Variants in SRGAP2C observed in about 807,000 individuals in gnomAD.
SRGAP2C encodes the protein SLIT-ROBO Rho GTPase-activating protein 2C.
A neutral mutation model predicts 25.1 loss-of-function variants in SRGAP2C; 15 were observed. That is an observed-to-expected ratio of 0.60 (90% CI 0.40 to 0.92). The LOEUF (loss-of-function observed/expected upper bound fraction) is 0.92. Among genes scored for constraint, SRGAP2C ranks in the 40% least tolerant of loss-of-function variants. The pLI is 0.00. For missense variants in SRGAP2C, 144 were observed against 264.4 expected (o/e 0.54, Z 3.16); for synonymous variants, 44 against 96.6 (o/e 0.46, Z 3.19).
At chr1:121,249,536 T>C (rs1656295818) in intron 2 of SRGAP2C, among the ~76,000 whole-genome samples, 1 of 52,228 alleles carries the variant, frequency 1.9e-5, no homozygotes, top group Non-Finnish European at 3.4e-5. Context: ...GGGCTTATGA[T>C]GAACATGGAC....
At position 121,282,751 on chromosome 1, in the gene SRGAP2C, G is replaced by T. The variant is rs1400107051; in HGVS notation, c.68-2052G>T. ...TTTTTTGTATTTTTAGTAGAGACAG[G>T]GTTTCACCATGTTAGCCAGGATGGT... On this transcript the variant is annotated intron_variant, in intron 2 of 9. Coordinates refer to ENST00000367123, the MANE Select transcript of SRGAP2C (RefSeq NM_001329984.2). Among the ~76,000 whole-genome samples, 228 of 144,858 alleles carry T rather than the reference G, an allele frequency of 1.6e-3. 2 individuals are homozygous for T. Among genetic ancestry groups the T allele is most frequent in the African/African-American group, 5.5e-3 (217 of 39,424 alleles).
chr1:121,208,684 A>G (rs1553322955), intron 2 of SRGAP2C, among the ~76,000 whole-genome samples: 1 of 151,218 alleles, frequency 6.6e-6, no homozygotes, highest in African/African-American at 2.4e-5. Context: ...CTGCTAAGCT[A>G]TGAGCTCTTT....
intron 2 of SRGAP2C, among the ~76,000 whole-genome samples, chr1:121,238,843 G>T (rs1302555940): frequency 1.4e-5 from 2 of 139,986 alleles, no homozygotes; most frequent in African/African-American, 5.5e-5. Context: ...GTGCAGTAGC[G>T]TGATCATGGC....
chr1:121,191,733 G>T (rs1309025372), intron 2 of SRGAP2C, among the ~76,000 whole-genome samples: 8 of 151,508 alleles, frequency 5.3e-5, no homozygotes, highest in African/African-American at 1.9e-4. Flanking sequence ...CTTATTTAAG[G>T]CCCCTTTCCT....
At chr1:121,292,218 T>C (rs1301247495) in intron 3 of SRGAP2C, among the ~76,000 whole-genome samples, 2 of 151,072 alleles carry the variant, frequency 1.3e-5, no homozygotes, top group Non-Finnish European at 3.0e-5. Flanking sequence ...CTTATCTTAG[T>C]AGTACAGTGA....
intron 2 of SRGAP2C, among the ~76,000 whole-genome samples, chr1:121,216,018 T>A (rs1655373092): frequency 6.6e-6 from 1 of 151,994 alleles, no homozygotes; most frequent in African/African-American, 2.4e-5. Flanking sequence ...CTTACTGCCA[T>A]CTTCTTTCCC....
chr1:121,298,442 G>A (rs1347708368), intron 3 of SRGAP2C, among the ~76,000 whole-genome samples: 10 of 107,104 alleles, frequency 9.3e-5, no homozygotes, highest in Admixed American at 2.2e-4. Flanking sequence ...ATCTACCATC[G>A]AGGCCAGCAG....
At chr1:121,278,138 G>T (rs1657154094) in intron 2 of SRGAP2C, among the ~76,000 whole-genome samples, 2 of 151,782 alleles carry the variant, frequency 1.3e-5, no homozygotes, top group Admixed American at 1.3e-4. Flanking sequence ...GTAGAGCTGG[G>T]ATTTTGCCAT....
chr1:121,307,469 G>A (rs1485254250), intron 3 of SRGAP2C, among the ~76,000 whole-genome samples: 1 of 133,018 alleles, frequency 7.5e-6, no homozygotes, highest in African/African-American at 2.9e-5. Context: ...CAGATTCCTG[G>A]GCATCAGTCC....
intron 5 of SRGAP2C, among the ~76,000 whole-genome samples, chr1:121,372,249 A>G (rs1659513409): frequency 6.6e-6 from 1 of 152,186 alleles, no homozygotes. Context: ...CGTAGGGCCT[A>G]GATTAGTATA....
At chr1:121,254,904 G>A (rs1204604720) in intron 2 of SRGAP2C, among the ~76,000 whole-genome samples, 7 of 151,550 alleles carry the variant, frequency 4.6e-5, no homozygotes, top group Non-Finnish European at 7.4e-5. Flanking sequence ...GATATCTGGG[G>A]ATTTATATTT....
intron 2 of SRGAP2C, among the ~76,000 whole-genome samples, chr1:121,211,031 A>G (rs1209580180): frequency 2.3e-5 from 3 of 132,756 alleles, no homozygotes; most frequent in Non-Finnish European, 3.2e-5. Flanking sequence ...AAACAAATTG[A>G]TAGGAATGGC....
chr1:121,345,649 C>CTTTTTTT (rs782110661), intron 4 of SRGAP2C, among the ~76,000 whole-genome samples: 5 of 95,756 alleles, frequency 5.2e-5, no homozygotes, highest in African/African-American at 8.4e-5. Context: ...GGTTGCTCTT[C>CTTTTTTT]TTTTTTTTTT....
chr1:121,281,359 C>G (rs1657238207), intron 2 of SRGAP2C, among the ~76,000 whole-genome samples: 1 of 151,536 alleles, frequency 6.6e-6, no homozygotes, highest in Non-Finnish European at 1.5e-5. Flanking sequence ...TCTCTTTCTT[C>G]TTTCTTTTTC....
At chr1:121,229,973 C>T (rs1553327265) in intron 2 of SRGAP2C, among the ~76,000 whole-genome samples, 1 of 135,930 alleles carries the variant, frequency 7.4e-6, no homozygotes, top group African/African-American at 2.8e-5. Flanking sequence ...TCCCAAAGAC[C>T]TATCAAACTG....
At chr1:121,334,652 C>G (rs1403579703) in intron 4 of SRGAP2C, among the ~76,000 whole-genome samples, 7 of 147,292 alleles carry the variant, frequency 4.8e-5, no homozygotes, top group African/African-American at 1.8e-4. Flanking sequence ...TTGGCTGCTT[C>G]CAATATTTAT....
chr1:121,190,177 G>T (rs1210733215), intron 2 of SRGAP2C, among the ~76,000 whole-genome samples: 1 of 152,108 alleles, frequency 6.6e-6, no homozygotes, highest in Admixed American at 6.6e-5. Context: ...AGAAGCCCTG[G>T]GTCAGAATTA....
At chr1:121,370,534 C>T (rs1553350734) in intron 5 of SRGAP2C, among the ~76,000 whole-genome samples, 1 of 142,950 alleles carries the variant, frequency 7.0e-6, no homozygotes, top group African/African-American at 2.6e-5. Context: ...CTCCACCTCC[C>T]AGGTTCATGC....
Position 121,284,901 on chromosome 1 carries a change from A to C in SRGAP2C, c.166A>C (p.Lys56Gln), listed in dbSNP as rs1657324533. ...GGACCTCCAGGACTTCTTCCGAAAG[A>C]AGGCAGAGATTGAGATGGACTACTC... ...LQDLQDFFRK[K>Q]AEIEMDYSRN... is the part of the protein sequence containing the mutation. Residue 56 changes from lysine (K) to glutamine (Q), a missense_variant, in exon 3 of 10, where the codon AAG becomes CAG. Physicochemically the swap from Lys to Gln is moderately conservative, Grantham distance 53. Around this residue, in one of 5 missense-constraint regions of SRGAP2C, gnomAD observed 17 missense variants for 40.3 expected, o/e 0.42. Coordinates refer to ENST00000367123, the MANE Select transcript of SRGAP2C (RefSeq NM_001329984.2). 7.2e-6 allele frequency: 11 copies of C among 1,527,848 alleles called. No individual in the cohort carries two copies. The highest frequency in any genetic ancestry group is 6.1e-5 in the Admixed American group (3 of 49,124). The allele number at this position is 1,527,848 out of a possible 1,614,324, so 94.6% of individuals were successfully genotyped here.
Sources: gnomAD v4.1 joint callset for allele counts (sites outside exome capture counted in the v4.1 genomes callset) on GRCh38, gnomAD v4.1.1 for gene constraint, gnomAD v4.1.1 regional missense constraint, MANE v1.5 for transcripts, NCBI Gene and HGNC (gene_info 2026-07-23, HGNC 2026-07-21) for gene names.